C9: variants seen among roughly 807,000 people sequenced by gnomAD.
The protein encoded by C9 is complement component C9.
In C9, 63 loss-of-function variants were observed where a neutral mutation model predicts 65.4. That is an observed-to-expected ratio of 0.96 (90% CI 0.79 to 1.19). The LOEUF (loss-of-function observed/expected upper bound fraction) is 1.19, where lower values mean the gene tolerates loss of function less well. Ranked by LOEUF, C9 falls within the 50% of genes most tolerant of loss-of-function variation. The pLI is 0.00. For synonymous variants in C9, 229 were observed against 227.9 expected, an observed-to-expected ratio of 1.00 and a Z score of -0.04; for missense variants, 744 against 670.1, an observed-to-expected ratio of 1.11 and a Z score of -1.22.
intron 4 of C9, 39 bp downstream of exon 4, chr5:39,341,107 A>C: frequency 6.2e-7 from 1 of 1,606,878 alleles, no homozygotes; most frequent in Non-Finnish European, 8.5e-7. Context: ...GATCATTTTC[A>C]CTCATTTTCA....
intron 9 of C9, among the ~76,000 whole-genome samples, chr5:39,300,463 C>A (rs375968488): frequency 6.6e-6 from 1 of 151,604 alleles, no homozygotes; most frequent in African/African-American, 2.4e-5. Context: ...AAGAAAAGAA[C>A]AAAGATCATC....
intron 1 of C9, among the ~76,000 whole-genome samples, chr5:39,356,302 G>T (rs1057491975): frequency 6.6e-6 from 1 of 152,186 alleles, no homozygotes; most frequent in African/African-American, 2.4e-5. Context: ...TTAGTTCAGT[G>T]CAATGTTTCC....
chr5:39,284,822 T>G lies in C9; in HGVS notation c.*377A>C. On this transcript the variant is annotated 3_prime_UTR_variant, in exon 11 of 11. Coordinates refer to ENST00000263408, the MANE Select transcript of C9 (RefSeq NM_001737.5). Reference sequence around the variant, plus strand: ...TAAATTGCATGGTACAGACGTGTGGTCATGGACCTGGCAGAATATGTTAAC... The same window carrying G: ...TAAATTGCATGGTACAGACGTGTGGGCATGGACCTGGCAGAATATGTTAAC... 1 of 269,894 alleles carries G rather than the reference T, an allele frequency of 3.7e-6. No homozygotes were observed. The highest frequency in any genetic ancestry group is 7.1e-6 in the Non-Finnish European group (1 of 140,048). The allele number at this position is 269,894 out of a possible 1,614,324, so 16.7% of individuals were successfully genotyped here.
At chr5:39,327,646 T>C (rs1286622489) in intron 5 of C9, among the ~76,000 whole-genome samples, 3 of 152,140 alleles carry the variant, frequency 2.0e-5, no homozygotes, top group East Asian at 1.9e-4. Context: ...TCTGTGACAA[T>C]GGCAGACAAC....
chr5:39,352,863 T>C (rs1231402946), intron 1 of C9, among the ~76,000 whole-genome samples: 5 of 151,514 alleles, frequency 3.3e-5, no homozygotes, highest in Non-Finnish European at 7.4e-5. Flanking sequence ...TTTAACATAA[T>C]GCAATAGGCA....
rs554148491 is a variant in C9, at chr5:39,322,546, C to A, written c.616-6517G>T. The stretch of plus-strand genomic sequence containing the variant: ...AAACAACAGAAAAGGCCAACAAAAC[C>A]AAGAGTTTGTTTTTTAAAAAAGAAA... On this transcript the variant is annotated intron_variant, in intron 5 of 10. Coordinates refer to ENST00000263408, the MANE Select transcript of C9 (RefSeq NM_001737.5). 9.9e-5 allele frequency among the ~76,000 whole-genome samples: 15 copies of A among 151,946 alleles called. No individual in the cohort carries two copies. In the South Asian group the frequency reaches 2.9e-3, roughly 29 times the overall value.
intron 1 of C9, among the ~76,000 whole-genome samples, 182 bp from the exon 2 acceptor site, chr5:39,342,378 G>A (rs957912675): frequency 1.1e-4 from 17 of 151,748 alleles, no homozygotes; most frequent in African/African-American, 4.1e-4. Flanking sequence ...TCATCTTTTT[G>A]TTAATTCTTG....
In C9 at chr5:39,308,162, A is replaced by C; in HGVS notation, c.1240+68T>G. 2.2e-6 allele frequency: 3 copies of C among 1,371,444 alleles called. No individual in the cohort carries two copies. In the South Asian group the frequency reaches 3.5e-5, roughly 16 times the overall value. The allele number at this position is 1,371,444 out of a possible 1,614,324, so 85.0% of individuals were successfully genotyped here. On this transcript the variant is annotated intron_variant, in intron 8 of 10. Transcript: ENST00000263408. ...ACAGACAATTAAGAGGGCTCATTGC[A>C]AGAGGGCAGTGCTCATTGACATCTA...
intron 1 of C9, among the ~76,000 whole-genome samples, chr5:39,347,279 T>C (rs1328849485): frequency 6.6e-6 from 1 of 152,198 alleles, no homozygotes; most frequent in African/African-American, 2.4e-5. Context: ...AACTCCCTTG[T>C]CTCAGCCCCA....
intron 5 of C9, among the ~76,000 whole-genome samples, chr5:39,326,541 G>A (rs1268212674): frequency 2.0e-5 from 3 of 152,030 alleles, no homozygotes; most frequent in East Asian, 3.9e-4. Context: ...TTTGCTCTCC[G>A]GAGTGGCTCC....
chr5:39,323,239 AAAG>A (rs1753694059), intron 5 of C9, among the ~76,000 whole-genome samples: 1 of 152,042 alleles, frequency 6.6e-6, no homozygotes, highest in African/African-American at 2.4e-5. Flanking sequence ...CCAGATATTT[AAAG>A]AAGAACTAAT....
intron 9 of C9, among the ~76,000 whole-genome samples, chr5:39,302,761 C>T (rs557341745): frequency 2.0e-5 from 3 of 152,152 alleles, no homozygotes; most frequent in African/African-American, 7.2e-5. Flanking sequence ...GCCAGGAGGA[C>T]CCATCCATTT....
At chr5:39,330,491 T>A (rs1483124945) in intron 5 of C9, among the ~76,000 whole-genome samples, 1 of 152,198 alleles carries the variant, frequency 6.6e-6, no homozygotes, top group African/African-American at 2.4e-5. Context: ...AAATGCAGAC[T>A]AAACTCCAAA....
rs759488738 is a variant in C9 at position 39,315,943 on chromosome 5, AT to A, written c.701del (p.Asn234IlefsTer8). ...FKSIIQEKTS[N>X]FNAAISLKFT... is the part of the protein sequence containing the mutation. ...ATTTTAGAGATATAGCTGCATTAAA[AT>A]TTGATGTCTTCTCTTGGATGATACT... is the stretch of plus-strand genomic sequence containing the variant. On this transcript the variant is annotated frameshift_variant, in exon 6 of 11. Transcript: ENST00000263408. LOFTEE classifies it high-confidence loss of function. 1.9e-5 allele frequency: 31 copies of A among 1,610,792 alleles called. No individual in the cohort carries two copies. Among genetic ancestry groups the A allele is most frequent in the Middle Eastern group, 1.6e-4 (1 of 6,070 alleles).
chr5:39,331,962 C>G, intron 4 of C9, 148 bp from the exon 5 acceptor site: 2 of 779,036 alleles, frequency 2.6e-6, no homozygotes, highest in East Asian at 5.0e-5. Context: ...AAGCAAGAGC[C>G]TGTTCACCTT....
At chr5:39,306,853 A>G in intron 8 of C9, 61 bp from the exon 9 acceptor site, 1 of 1,142,628 alleles carries the variant, frequency 8.8e-7, no homozygotes, top group Non-Finnish European at 1.3e-6. Flanking sequence ...GCCAGTTATC[A>G]AAAGGACATA....
chr5:39,296,943 G>A (rs155445), intron 9 of C9, among the ~76,000 whole-genome samples: 1 of 150,994 alleles, frequency 6.6e-6, no homozygotes, highest in South Asian at 2.1e-4. Flanking sequence ...GAAGGGTAGG[G>A]GAAAGACAAT....
intron 1 of C9, among the ~76,000 whole-genome samples, chr5:39,354,962 T>C (rs1478645789): frequency 1.3e-5 from 2 of 152,202 alleles, no homozygotes; most frequent in African/African-American, 4.8e-5. Context: ...TAGGCTCTAT[T>C]AACATTTCTA....
intron 5 of C9, among the ~76,000 whole-genome samples, chr5:39,330,233 T>C (rs1016401786): frequency 6.6e-6 from 1 of 152,254 alleles, no homozygotes; most frequent in Non-Finnish European, 1.5e-5. Flanking sequence ...GATTATGTGA[T>C]GCTGCTCCAA....
Sources: gnomAD v4.1 joint callset for allele counts (sites outside exome capture counted in the v4.1 genomes callset) on GRCh38, gnomAD v4.1.1 for gene constraint, MANE v1.5 for transcripts, NCBI Gene and HGNC (gene_info 2026-07-23, HGNC 2026-07-21) for gene names.